Variants in ANKH observed in about 807,000 individuals in gnomAD.
ANKH encodes mineralization regulator ANKH.
In ANKH, 15 loss-of-function variants were observed where a neutral mutation model predicts 49.0. The observed-to-expected ratio is 0.31, with a 90% CI of 0.20 to 0.47. The LOEUF (loss-of-function observed/expected upper bound fraction) is 0.47, where lower values mean the gene tolerates loss of function less well. ANKH is among the 20% of genes least tolerant of loss of function. ANKH has a pLI of 1.00. For synonymous variants in ANKH, 273 were observed against 260.0 expected, an observed-to-expected ratio of 1.05 and a Z score of -0.48; for missense variants, 429 against 652.0, an observed-to-expected ratio of 0.66 and a Z score of 3.72.
chr5:14,835,644 T>C (rs1741630144), intron 1 of ANKH, among the ~76,000 whole-genome samples: 2 of 152,172 alleles, frequency 1.3e-5, no homozygotes, highest in Non-Finnish European at 2.9e-5. Flanking sequence ...TCTGCTTAAC[T>C]AGTCATGCTC....
chr5:14,795,309 G>A (rs566881390), intron 1 of ANKH, among the ~76,000 whole-genome samples: 5 of 152,064 alleles, frequency 3.3e-5, no homozygotes, highest in Middle Eastern at 6.8e-3. Context: ...ACTAAACAAT[G>A]GTGTTTATTA....
chr5:14,763,059 G>A (rs553270472), intron 2 of ANKH, among the ~76,000 whole-genome samples: 1 of 152,332 alleles, frequency 6.6e-6, no homozygotes, highest in African/African-American at 2.4e-5. Context: ...ACTTCAGCCA[G>A]CCAGGGCCAT....
intron 1 of ANKH, among the ~76,000 whole-genome samples, chr5:14,803,974 C>T (rs1740634022): frequency 6.6e-6 from 1 of 152,108 alleles, no homozygotes; most frequent in Admixed American, 6.6e-5. Context: ...CTGCTCACTG[C>T]AACCTCCGCC....
intron 1 of ANKH, chr5:14,797,990 A>G: frequency 6.4e-7 from 1 of 1,562,152 alleles, no homozygotes; most frequent in Non-Finnish European, 8.8e-7. Context: ...TGATGATACA[A>G]GGGTTCTGGG....
At chr5:14,866,097 C>T (rs1735636449) in intron 1 of ANKH, among the ~76,000 whole-genome samples, 2 of 152,218 alleles carry the variant, frequency 1.3e-5, no homozygotes, top group Non-Finnish European at 2.9e-5. Flanking sequence ...ACCTCCGCCT[C>T]CCAGGTTCAA....
intron 1 of ANKH, among the ~76,000 whole-genome samples, chr5:14,829,077 G>A (rs748577114): frequency 1.3e-5 from 2 of 151,418 alleles, no homozygotes; most frequent in African/African-American, 2.4e-5. Flanking sequence ...CCAGCTACTC[G>A]GGAGGCTGAG....
intron 11 of ANKH, 22 bp downstream of exon 11, chr5:14,712,852 G>A (rs1737281444): frequency 1.3e-6 from 2 of 1,578,782 alleles, no homozygotes; most frequent in African/African-American, 1.3e-5. Context: ...CCGGGAGGAG[G>A]CTCCCGGCGC....
rs557860087 is a variant in ANKH at position 14,705,154 on chromosome 5, C to G, written c.*6043G>C. The G allele has an allele frequency of 6.6e-6, 1 of 152,144 alleles. No individual in the cohort carries two copies. Among genetic ancestry groups the G allele is most frequent in the East Asian group, 1.9e-4 (1 of 5,174 alleles). 9.4% of individuals were successfully genotyped at this position (152,144 alleles called of 1,614,324 possible). A position where few individuals can be genotyped will look rare whatever the true frequency, so the allele number is the denominator to read the frequency against. On this transcript the variant is annotated 3_prime_UTR_variant, in exon 12 of 12. Coordinates refer to ENST00000284268, the MANE Select transcript of ANKH (RefSeq NM_054027.6). The stretch of plus-strand genomic sequence containing the variant: ...GGACTACAGATGCACACCACTGTGC[C>G]CAGCTAAATATTTTAATGTGATTGG...
intron 1 of ANKH, among the ~76,000 whole-genome samples, chr5:14,852,501 T>C (rs1374080): frequency 0.37 from 55,526 of 152,012 alleles, 10,302 homozygotes; most frequent in African/African-American, 0.41. Flanking sequence ...GAGTTATTTT[T>C]GATGCAAAAA....
At chr5:14,734,611 C>G (rs568412619) in intron 8 of ANKH, among the ~76,000 whole-genome samples, 3 of 152,202 alleles carry the variant, frequency 2.0e-5, no homozygotes. Flanking sequence ...AGGCAGCACT[C>G]GGCAGGTGCA....
intron 1 of ANKH, among the ~76,000 whole-genome samples, chr5:14,807,301 GA>G (rs1443307826): frequency 3.9e-5 from 6 of 152,008 alleles, no homozygotes; most frequent in Non-Finnish European, 8.8e-5. Context: ...TTTTGGTAGA[GA>G]GGGGGTTTCA....
intron 6 of ANKH, among the ~76,000 whole-genome samples, chr5:14,747,501 A>C (rs960695945): frequency 1.3e-5 from 2 of 152,176 alleles, no homozygotes; most frequent in Non-Finnish European, 2.9e-5. Context: ...TTGAGGCTGC[A>C]GTGAGCTGTG....
At chr5:14,822,336 A>G (rs1241007938) in intron 1 of ANKH, among the ~76,000 whole-genome samples, 1 of 152,242 alleles carries the variant, frequency 6.6e-6, no homozygotes, top group Non-Finnish European at 1.5e-5. Flanking sequence ...TAATTTTTAA[A>G]TAAGGCTACT....
chr5:14,785,934 T>C lies in ANKH; in HGVS notation c.97-16743A>G, dbSNP rs376013282. 1.2e-4 allele frequency among the ~76,000 whole-genome samples: 18 copies of C among 150,030 alleles called. No homozygotes were observed. The East Asian group carries it at 3.4e-3, about 28-fold the overall frequency. On this transcript the variant is annotated intron_variant, in intron 1 of 11. Coordinates refer to ENST00000284268, the MANE Select transcript of ANKH (RefSeq NM_054027.6). ...GTTGGCAGGCGCCTGTAATCCCAGC[T>C]ACTTGGGAGGCTGAGGCAGGAGAAT...
At chr5:14,711,875 G>C (rs1737224112) in intron 11 of ANKH, among the ~76,000 whole-genome samples, 1 of 151,686 alleles carries the variant, frequency 6.6e-6, no homozygotes, top group South Asian at 2.1e-4. Context: ...CTCAGCCACT[G>C]CTGGGTCACT....
At chr5:14,772,708 T>C (rs1739482890) in intron 1 of ANKH, among the ~76,000 whole-genome samples, 1 of 152,232 alleles carries the variant, frequency 6.6e-6, no homozygotes, top group African/African-American at 2.4e-5. Flanking sequence ...ATTTACCCAA[T>C]TAATTCCCTT....
chr5:14,844,137 A>G (rs933533762), intron 1 of ANKH, among the ~76,000 whole-genome samples: 1 of 152,240 alleles, frequency 6.6e-6, no homozygotes, highest in Non-Finnish European at 1.5e-5. Context: ...ACTCTGCCTC[A>G]TGCTTAGTAC....
intron 1 of ANKH, among the ~76,000 whole-genome samples, chr5:14,845,652 C>A (rs980179376): frequency 6.6e-6 from 1 of 151,924 alleles, no homozygotes; most frequent in East Asian, 1.9e-4. Flanking sequence ...TTCAATCCAC[C>A]CAGGGTGCTA....
chr5:14,762,756 T>C (rs902769506), intron 2 of ANKH, among the ~76,000 whole-genome samples: 2 of 152,102 alleles, frequency 1.3e-5, no homozygotes, highest in African/African-American at 4.8e-5. Flanking sequence ...GGGTAATTTG[T>C]TTAAAGTGAT....
Sources: gnomAD v4.1 joint callset for allele counts (sites outside exome capture counted in the v4.1 genomes callset) on GRCh38, gnomAD v4.1.1 for gene constraint, MANE v1.5 for transcripts, NCBI Gene and HGNC (gene_info 2026-07-23, HGNC 2026-07-21) for gene names.